Variants in CACNA1C observed in about 807,000 individuals in gnomAD.
CACNA1C encodes calcium voltage-gated channel subunit alpha1 C, also known as voltage-dependent L-type calcium channel subunit alpha-1C.
Under a neutral mutation model 229.0 loss-of-function variants are expected in CACNA1C, and 30 were observed. The observed-to-expected ratio is 0.13, with a 90% CI of 0.10 to 0.18. CACNA1C has a LOEUF of 0.18. Among genes scored for constraint, CACNA1C ranks in the 10% least tolerant of loss-of-function variants. The pLI, the probability that CACNA1C is intolerant of heterozygous loss-of-function variation, is 1.00. For synonymous variants in CACNA1C, 1,114 were observed against 1,132.5 expected (o/e 0.98, Z 0.33); for missense variants, 1,658 against 2,845.0 (o/e 0.58, Z 9.49).
chr12:2,688,014 G>A (rs1017353525), intron 45 of CACNA1C, among the ~76,000 whole-genome samples: 1 of 152,186 alleles, frequency 6.6e-6, no homozygotes, highest in African/African-American at 2.4e-5. Flanking sequence ...ACCTCATTGC[G>A]CTTGAGCCTC....
In CACNA1C at chr12:2,672,516, T is replaced by C. The variant is rs570921581; in HGVS notation, c.4727-2025T>C. Among the ~76,000 whole-genome samples the C allele has an allele frequency of 5.3e-5, 8 of 152,298 alleles. No homozygotes were observed. In the South Asian group the frequency reaches 1.7e-3, roughly 32 times the overall value. On this transcript the variant is annotated intron_variant, in intron 38 of 46. Transcript: ENST00000399655. The stretch of plus-strand genomic sequence containing the variant: ...AGCAGAGTTGGTTCTTTCTGGAGGC[T>C]CTGGGGAGAGTCTGTTCCACCCTTT...
chr12:2,542,415 A>G (rs575093095), intron 9 of CACNA1C, among the ~76,000 whole-genome samples: 31 of 152,334 alleles, frequency 2.0e-4, no homozygotes, highest in African/African-American at 7.5e-4. Context: ...CTCACTTCCT[A>G]TGGGGAAAGT....
rs986620079 is a variant in CACNA1C, at chr12:2,131,966, C to T, written c.477+11536C>T. The stretch of plus-strand genomic sequence containing the variant: ...GGAATGTTCTTCCATTTGTTTGTAT[C>T]CTCTTTTATTTCCTTGAGCAGTGGT... On this transcript the variant is annotated intron_variant, in intron 3 of 46. Coordinates refer to ENST00000399655, the MANE Select transcript of CACNA1C (RefSeq NM_000719.7). Among the ~76,000 whole-genome samples, 8 of 143,438 alleles carry T rather than the reference C, an allele frequency of 5.6e-5. No homozygotes were observed. In the East Asian group the frequency reaches 1.5e-3, roughly 26 times the overall value. The allele number at this position is 143,438 out of a possible 152,430, so 94.1% of individuals were successfully genotyped here.
intron 9 of CACNA1C, among the ~76,000 whole-genome samples, chr12:2,524,662 C>A (rs763132039): frequency 2.6e-5 from 4 of 152,232 alleles, no homozygotes; most frequent in Non-Finnish European, 5.9e-5. Flanking sequence ...TGTGGCTTTG[C>A]CACCCCCGGG....
intron 1 of CACNA1C, among the ~76,000 whole-genome samples, chr12:2,031,580 G>C (rs879357195): frequency 1.3e-5 from 2 of 152,192 alleles, no homozygotes; most frequent in Admixed American, 6.5e-5. Context: ...AAGCTTGAAA[G>C]CCAGTCTCCT....
intron 6 of CACNA1C, among the ~76,000 whole-genome samples, chr12:2,489,889 T>G (rs895158952): frequency 2.6e-5 from 4 of 152,214 alleles, no homozygotes; most frequent in Non-Finnish European, 5.9e-5. Flanking sequence ...TTTGTTTCTG[T>G]CTCCCACTTC....
intron 3 of CACNA1C, among the ~76,000 whole-genome samples, chr12:2,401,984 T>C (rs73246622): frequency 0.025 from 3,814 of 152,362 alleles, 157 homozygotes; most frequent in African/African-American, 0.084. Flanking sequence ...GACCTCATTC[T>C]TTAAAACTTT....
At position 2,354,853 on chromosome 12, in the gene CACNA1C, AG is replaced by A. The variant is rs1166185485; in HGVS notation, c.478-94122del. Among the ~76,000 whole-genome samples, 7 of 152,146 alleles carry A rather than the reference AG, an allele frequency of 4.6e-5. No individual in the cohort carries two copies. The highest frequency in any genetic ancestry group is 1.0e-4 in the Non-Finnish European group (7 of 68,030). On this transcript the variant is annotated intron_variant, in intron 3 of 46. Coordinates refer to ENST00000399655, the MANE Select transcript of CACNA1C (RefSeq NM_000719.7). The surrounding 1 kb of genome is among the most constrained non-coding windows in gnomAD (Gnocchi z 4.6). ...CAGGCTTAGCTGGAGTAACCATTTC[AG>A]AGCTGGTCGTTTCCCCGCAGCTTTA...
chr12:2,041,433 C>T (rs948702343), intron 1 of CACNA1C, among the ~76,000 whole-genome samples: 26 of 151,914 alleles, frequency 1.7e-4, no homozygotes, highest in African/African-American at 6.0e-4. Flanking sequence ...CTTGCCACCG[C>T]GTCCGGCTAA....
At chr12:2,569,157 A>G (rs1267920920) in intron 13 of CACNA1C, among the ~76,000 whole-genome samples, 1 of 152,132 alleles carries the variant, frequency 6.6e-6, no homozygotes, top group Non-Finnish European at 1.5e-5. Flanking sequence ...AAAGCAGGCC[A>G]TCTCCCTCAC....
At chr12:2,154,126 T>G (rs1172273674) in intron 3 of CACNA1C, among the ~76,000 whole-genome samples, 1 of 152,240 alleles carries the variant, frequency 6.6e-6, no homozygotes, top group Non-Finnish European at 1.5e-5. Context: ...AGAGGAGTTC[T>G]TTTTCCTCCA....
At chr12:2,154,896 A>T (rs555273847) in intron 3 of CACNA1C, among the ~76,000 whole-genome samples, 55 of 152,306 alleles carry the variant, frequency 3.6e-4, no homozygotes, top group African/African-American at 1.3e-3. Context: ...GTTGGTGTTG[A>T]CAAAGCTCCC....
chr12:2,544,501 G>T (rs539545499), intron 9 of CACNA1C, among the ~76,000 whole-genome samples: 1 of 152,304 alleles, frequency 6.6e-6, no homozygotes, highest in African/African-American at 2.4e-5. Flanking sequence ...TTAATATTAG[G>T]TTGGTGCAAA....
At chr12:2,487,298 C>T (rs1021677827) in intron 6 of CACNA1C, among the ~76,000 whole-genome samples, 6 of 151,532 alleles carry the variant, frequency 4.0e-5, no homozygotes, top group South Asian at 2.1e-4. Context: ...TTTTCTCCAT[C>T]GACACTGCAC....
At chr12:2,547,076 T>C (rs1006213971) in intron 9 of CACNA1C, among the ~76,000 whole-genome samples, 9 of 152,180 alleles carry the variant, frequency 5.9e-5, no homozygotes, top group Non-Finnish European at 1.2e-4. Context: ...TGACCCCGCT[T>C]GAGCCTGCAA....
At chr12:2,650,251 TCTC>T (rs1449965604) in intron 31 of CACNA1C, among the ~76,000 whole-genome samples, 2 of 152,184 alleles carry the variant, frequency 1.3e-5, no homozygotes, top group Middle Eastern at 3.4e-3. Flanking sequence ...TCCCTCATAA[TCTC>T]CTGTCCTGCA....
At chr12:2,520,201 A>G (rs2099807101) in intron 9 of CACNA1C, among the ~76,000 whole-genome samples, 1 of 119,300 alleles carries the variant, frequency 8.4e-6, no homozygotes, top group African/African-American at 3.4e-5. Flanking sequence ...CTCATTGACC[A>G]ATGGCCGTGT....
chr12:2,585,494 A>C lies in CACNA1C; in HGVS notation c.2458A>C (p.Lys820Gln). 1 of 1,558,372 alleles carries C rather than the reference A, an allele frequency of 6.4e-7. No individual in the cohort carries two copies. The highest frequency in any genetic ancestry group is 8.7e-7 in the Non-Finnish European group (1 of 1,150,516). Residue 820 changes from lysine to glutamine, a missense_variant and splice_region_variant, in exon 17 of 47, where the codon AAG (lysine) becomes CAG (glutamine). Physicochemically the swap from Lys to Gln is moderately conservative, Grantham distance 53. Coordinates refer to ENST00000399655, the MANE Select transcript of CACNA1C (RefSeq NM_000719.7). The surrounding 1 kb of genome is among the most constrained non-coding windows in gnomAD (Gnocchi z 4.1). ...TGACGGAGAGTCTCCACCCGCCACC[A>C]AGGTGAGGAGCTGTCTCCTTCCTGG... ...TADGESPPAT[K>Q]INMDDLQPNE...
intron 3 of CACNA1C, among the ~76,000 whole-genome samples, chr12:2,183,909 T>A (rs2096920116): frequency 6.6e-6 from 1 of 152,246 alleles, no homozygotes; most frequent in Non-Finnish European, 1.5e-5. Flanking sequence ...CCAGCCTGGT[T>A]CCTGTAAACG....
Sources: allele counts gnomAD v4.1 joint callset (sites outside exome capture counted in the v4.1 genomes callset), GRCh38; gene constraint gnomAD v4.1.1; non-coding constraint Gnocchi (gnomAD v3.1); transcripts MANE v1.5; gene names NCBI Gene and HGNC (gene_info 2026-07-23, HGNC 2026-07-21).